TMCC1: variants seen among roughly 807,000 people sequenced by gnomAD.
TMCC1 encodes transmembrane and coiled-coil domain family 1, also known as transmembrane and coiled-coil domains protein 1.
TMCC1 carries 15 observed loss-of-function variants against 52.4 expected under a neutral mutation model. The observed-to-expected ratio is 0.29, with a 90% CI of 0.19 to 0.44. TMCC1 has a LOEUF of 0.44. Ranked by LOEUF, TMCC1 falls within the 20% of genes least tolerant of loss-of-function variation. The pLI is 1.00. For synonymous variants in TMCC1, 279 were observed against 301.9 expected, an observed-to-expected ratio of 0.92 and a Z score of 0.79; for missense variants, 503 against 806.0, an observed-to-expected ratio of 0.62 and a Z score of 4.55.
intron 2 of TMCC1, among the ~76,000 whole-genome samples, chr3:129,863,578 G>A (rs574411077): frequency 2.0e-5 from 3 of 152,074 alleles, no homozygotes; most frequent in Non-Finnish European, 4.4e-5. Context: ...GTCACCCAGA[G>A]AGGCCAGGCG....
chr3:129,831,519 C>G (rs2058911757), intron 3 of TMCC1, among the ~76,000 whole-genome samples: 1 of 152,096 alleles, frequency 6.6e-6, no homozygotes, highest in Admixed American at 6.6e-5. Context: ...ATCTACTGTA[C>G]TGATTATAAA....
chr3:129,757,394 C>G (rs2074803760), intron 4 of TMCC1, among the ~76,000 whole-genome samples: 1 of 152,212 alleles, frequency 6.6e-6, no homozygotes, highest in Admixed American at 6.5e-5. Flanking sequence ...CTCTCTCATG[C>G]ATTTTGGTTT....
rs1020339377 is a variant in TMCC1, at chr3:129,828,877, T to C, written c.-130-369A>G. On this transcript the variant is annotated intron_variant, in intron 3 of 6. Coordinates refer to ENST00000393238, the MANE Select transcript of TMCC1 (RefSeq NM_001017395.5). This position sits in a 1 kb window ranked among gnomAD's most constrained non-coding sequence, Gnocchi z 4.1. ...CTTGGGAAATCAAGAGAAGAGACCA[T>C]CCAATAGGTTTACTCTAGCTGAGGC... is the stretch of plus-strand genomic sequence containing the variant. 6.6e-6 allele frequency among the ~76,000 whole-genome samples: 1 copy of C among 152,212 alleles called. No individual in the cohort carries two copies. The highest frequency in any genetic ancestry group is 1.5e-5 in the Non-Finnish European group (1 of 68,032).
rs376191546 is a variant in TMCC1 at position 129,717,558 on chromosome 3, C to A, written c.577-46294G>T. The stretch of plus-strand genomic sequence containing the variant: ...TGGCTGATGGACACCTGAAACTGAA[C>A]TCCAGCACTTTCCCACAAAACCTGC... On this transcript the variant is annotated intron_variant, in intron 4 of 6. Coordinates refer to ENST00000393238, the MANE Select transcript of TMCC1 (RefSeq NM_001017395.5). Among the ~76,000 whole-genome samples, 8 of 152,294 alleles carry A rather than the reference C, an allele frequency of 5.3e-5. No individual in the cohort carries two copies. The East Asian group carries it at 1.5e-3, about 29-fold the overall frequency.
chr3:129,726,680 AC>A (rs200482520), intron 4 of TMCC1, among the ~76,000 whole-genome samples: 2,350 of 151,436 alleles, frequency 0.016, 48 homozygotes, highest in African/African-American at 0.055. Context: ...AGAGTTCGAG[AC>A]CAGCCTGGCC....
intron 4 of TMCC1, among the ~76,000 whole-genome samples, chr3:129,783,957 A>G (rs1176142724): frequency 6.6e-6 from 1 of 152,214 alleles, no homozygotes; most frequent in Non-Finnish European, 1.5e-5. Context: ...CAATATTTGC[A>G]TATCTTTCTG....
chr3:129,844,907 AG>A (rs1415714963), intron 2 of TMCC1, among the ~76,000 whole-genome samples: 4 of 152,222 alleles, frequency 2.6e-5, no homozygotes, highest in Non-Finnish European at 4.4e-5. Context: ...AAAGAGGGAA[AG>A]GATGTCTATA....
Position 129,709,495 on chromosome 3 carries a change from A to G in TMCC1, c.577-38231T>C, listed in dbSNP as rs200372472. On this transcript the variant is annotated intron_variant, in intron 4 of 6. Transcript: ENST00000393238. ...GCCTCAAAAAAAAAAAAAAAAAAAA[A>G]AAAGAGAGAGAGAGAGAAACTTTAA... Among the ~76,000 whole-genome samples the G allele has an allele frequency of 8.4e-3, 25 of 2,962 alleles. No individual in the cohort carries two copies. The East Asian group carries it at 0.089, about 11-fold the overall frequency. The allele number at this position is 2,962 out of a possible 152,430, so 1.9% of individuals were successfully genotyped here.
intron 6 of TMCC1, among the ~76,000 whole-genome samples, chr3:129,652,180 C>T (rs191736694): frequency 3.9e-4 from 60 of 152,350 alleles, no homozygotes; most frequent in Non-Finnish European, 6.5e-4. Context: ...ACATTTCCTT[C>T]AATTCCAATC....
intron 4 of TMCC1, among the ~76,000 whole-genome samples, chr3:129,784,218 T>C (rs1203144839): frequency 6.6e-6 from 1 of 152,010 alleles, no homozygotes; most frequent in African/African-American, 2.4e-5. Flanking sequence ...TTCCTGGATA[T>C]AGAAGTGAAT....
chr3:129,722,489 ACACT>A (rs542617276), intron 4 of TMCC1, among the ~76,000 whole-genome samples: 55 of 152,212 alleles, frequency 3.6e-4, no homozygotes, highest in African/African-American at 1.2e-3. Context: ...GGTTTAATCT[ACACT>A]CACTCACTCA....
At chr3:129,689,913 C>T (rs906385309) in intron 4 of TMCC1, among the ~76,000 whole-genome samples, 15 of 152,312 alleles carry the variant, frequency 9.8e-5, no homozygotes, top group East Asian at 9.6e-4. Context: ...TGAGTAAATA[C>T]GTTTCTACAA....
At chr3:129,776,997 G>C (rs558993743) in intron 4 of TMCC1, among the ~76,000 whole-genome samples, 38 of 152,172 alleles carry the variant, frequency 2.5e-4, no homozygotes, top group Admixed American at 7.2e-4. Context: ...AATCGAGTCA[G>C]GTATACATTC....
intron 4 of TMCC1, among the ~76,000 whole-genome samples, chr3:129,724,043 C>T (rs1486674952): frequency 1.3e-5 from 2 of 151,932 alleles, no homozygotes; most frequent in Non-Finnish European, 2.9e-5. Flanking sequence ...AGGTTTCTCC[C>T]AGATTTGAAC....
At chr3:129,680,359 C>T (rs2088861308) in intron 4 of TMCC1, among the ~76,000 whole-genome samples, 1 of 152,162 alleles carries the variant, frequency 6.6e-6, no homozygotes, top group African/African-American at 2.4e-5. Context: ...CTTATATTAA[C>T]TTGGTTAATC....
rs2089297747 is a variant in TMCC1 at position 129,685,009 on chromosome 3, G to A, written c.577-13745C>T. Reference sequence around the variant, plus strand: ...ATGGAAATGATCAACTGAAATGCAGGTCCAATTAAATAAATGACACAGGTA... The same window carrying A: ...ATGGAAATGATCAACTGAAATGCAGATCCAATTAAATAAATGACACAGGTA... On this transcript the variant is annotated intron_variant, in intron 4 of 6. Transcript: ENST00000393238. Among the ~76,000 whole-genome samples, 3 of 152,092 alleles carry A rather than the reference G, an allele frequency of 2.0e-5. No individual in the cohort carries two copies. The South Asian group carries it at 6.2e-4, about 32-fold the overall frequency.
chr3:129,676,337 A>AT (rs1053898812), intron 4 of TMCC1, among the ~76,000 whole-genome samples: 2 of 152,240 alleles, frequency 1.3e-5, no homozygotes, highest in African/African-American at 4.8e-5. Context: ...TGTTTATTAT[A>AT]TGCAAGGCAA....
intron 4 of TMCC1, among the ~76,000 whole-genome samples, chr3:129,805,400 TA>T (rs2057406128): frequency 6.6e-6 from 1 of 152,162 alleles, no homozygotes. Context: ...TGGGCTCAAA[TA>T]ATCTGCCTAC....
chr3:129,822,799 C>T (rs1442673888), intron 4 of TMCC1, among the ~76,000 whole-genome samples: 1 of 152,078 alleles, frequency 6.6e-6, no homozygotes, highest in East Asian at 1.9e-4. Context: ...TAGAATTAAT[C>T]AAAGTAGCTT....
Sources: gnomAD v4.1 joint callset for allele counts (sites outside exome capture counted in the v4.1 genomes callset) on GRCh38, gnomAD v4.1.1 for gene constraint, Gnocchi (gnomAD v3.1) non-coding constraint, MANE v1.5 for transcripts, NCBI Gene and HGNC (gene_info 2026-07-23, HGNC 2026-07-21) for gene names.